POLR1B: variants seen among roughly 807,000 people sequenced by gnomAD.
POLR1B encodes the protein DNA-directed RNA polymerase I subunit RPA2.
A neutral mutation model predicts 105.8 loss-of-function variants in POLR1B; 30 were observed. That is an observed-to-expected ratio of 0.28 (90% confidence interval 0.21 to 0.38). The LOEUF (loss-of-function observed/expected upper bound fraction) is 0.38, where lower values mean the gene tolerates loss of function less well. Ranked by LOEUF, POLR1B falls within the 10% of genes least tolerant of loss-of-function variation. POLR1B has a pLI of 1.00. For synonymous variants in POLR1B, 485 were observed against 505.1 expected (o/e 0.96, Z 0.53); for missense variants, 976 against 1,435.8 (o/e 0.68, Z 5.17).
In POLR1B at chr2:112,552,751, A is replaced by G; in HGVS notation, c.1093A>G (p.Asn365Asp). 6.2e-7 allele frequency: 1 copy of G among 1,611,214 alleles called. No homozygotes were observed. The highest frequency in any genetic ancestry group is 8.5e-7 in the Non-Finnish European group (1 of 1,178,980). The stretch of plus-strand genomic sequence containing the variant: ...AGCCAAAGGAGAGTGCATGGAGGAC[A>G]ATCCTGATAGTTTGGTGAACCAGGA... Reference protein sequence around the residue: ...ALAKGECMEDNPDSLVNQEVL... With the variant: ...ALAKGECMEDDPDSLVNQEVL... The change falls in exon 7 of 15, where the codon AAT becomes GAT. Residue 365 changes from asparagine to aspartate, a missense_variant. Asn to Asp is a conservative substitution (Grantham distance 23, BLOSUM62 1). Coordinates refer to ENST00000263331, the MANE Select transcript of POLR1B (RefSeq NM_019014.6).
Position 112,577,443 on chromosome 2 carries a change from G to A in POLR1B, c.*1714G>A, listed in dbSNP as rs1177920851. Among the ~76,000 whole-genome samples the A allele has an allele frequency of 2.0e-5, 3 of 152,310 alleles. 1 individual carries two copies. Among genetic ancestry groups the A allele is most frequent in the South Asian group, 4.1e-4 (2 of 4,830 alleles). ...ACACCCCTGTAGTCCCAGCTACTTGGGAGGCTGAGGTGGGAGGATTGCTTG... is the reference window on the plus strand; with the variant it reads ...ACACCCCTGTAGTCCCAGCTACTTGAGAGGCTGAGGTGGGAGGATTGCTTG... On this transcript the variant is annotated 3_prime_UTR_variant, in exon 15 of 15. Coordinates refer to ENST00000263331, the MANE Select transcript of POLR1B (RefSeq NM_019014.6).
At chr2:112,549,575 A>G (rs1415533247) in intron 4 of POLR1B, among the ~76,000 whole-genome samples, 176 bp downstream of exon 4, 1 of 147,836 alleles carries the variant, frequency 6.8e-6, no homozygotes, top group Non-Finnish European at 1.5e-5. Flanking sequence ...GGGCTCAAGC[A>G]GTCCTTCTGC....
chr2:112,542,803 A>G (rs1166995432), intron 1 of POLR1B, 132 bp downstream of exon 1: 40 of 1,201,744 alleles, frequency 3.3e-5, no homozygotes, highest in Non-Finnish European at 4.4e-5. Flanking sequence ...GCGGGAGAGC[A>G]CAACATGTTA....
At chr2:112,550,060 C>G (rs1683283725) in intron 4 of POLR1B, among the ~76,000 whole-genome samples, 1 of 152,150 alleles carries the variant, frequency 6.6e-6, no homozygotes, top group African/African-American at 2.4e-5. Flanking sequence ...AAGATGAAAG[C>G]TAGTCTGGCT....
intron 1 of POLR1B, among the ~76,000 whole-genome samples, chr2:112,543,730 G>C (rs757949413): frequency 2.6e-5 from 4 of 151,986 alleles, no homozygotes; most frequent in Admixed American, 1.3e-4. Context: ...GAGGGGTGGG[G>C]GTTATTTGTA....
chr2:112,542,921 T>G, intron 1 of POLR1B: 1 of 590,346 alleles, frequency 1.7e-6, no homozygotes, highest in Non-Finnish European at 3.0e-6. Context: ...TTGGACAGTT[T>G]CGGGGTGCTG....
chr2:112,575,948 T>G lies in POLR1B; in HGVS notation c.*219T>G, dbSNP rs1684841046. The G allele has an allele frequency of 1.8e-6, 1 of 550,828 alleles. No individual in the cohort carries two copies. The highest frequency in any genetic ancestry group is 2.2e-5 in the South Asian group (1 of 45,262). 34.1% of individuals were successfully genotyped at this position (550,828 alleles called of 1,614,324 possible). Reference sequence around the variant, plus strand: ...GTTATCTTTGTTCAAAAAGTTCATGTCTTCTCAAAATATGAAATATTGATA... The same window carrying G: ...GTTATCTTTGTTCAAAAAGTTCATGGCTTCTCAAAATATGAAATATTGATA... On this transcript the variant is annotated 3_prime_UTR_variant, in exon 15 of 15. Transcript: ENST00000263331. The surrounding 1 kb of genome is among the most constrained non-coding windows in gnomAD (Gnocchi z 5.3).
At chr2:112,573,959 G>T (rs554897925) in intron 14 of POLR1B, 144 bp downstream of exon 14, 5 of 991,554 alleles carry the variant, frequency 5.0e-6, no homozygotes, top group Non-Finnish European at 7.3e-6. Context: ...CAATCCTCTC[G>T]CCTCAGCCTT....
intron 12 of POLR1B, among the ~76,000 whole-genome samples, chr2:112,571,292 G>A (rs78507741): frequency 1.8e-3 from 279 of 152,184 alleles, no homozygotes; most frequent in African/African-American, 6.4e-3. Context: ...CAGTAATATC[G>A]GATTGTATTA....
In POLR1B at chr2:112,578,600, C is replaced by A. The variant is rs1444073384; in HGVS notation, c.*2871C>A. 6.6e-6 allele frequency among the ~76,000 whole-genome samples: 1 copy of A among 152,044 alleles called. No homozygotes were observed. Among genetic ancestry groups the A allele is most frequent in the Non-Finnish European group, 1.5e-5 (1 of 68,012 alleles). On this transcript the variant is annotated 3_prime_UTR_variant, in exon 15 of 15. Coordinates refer to ENST00000263331, the MANE Select transcript of POLR1B (RefSeq NM_019014.6). The stretch of plus-strand genomic sequence containing the variant: ...TTCACCTTGAACATTTTGGTTGTTT[C>A]CAGTTTGGGGGCATTAACAATAAAG...
Position 112,552,742 on chromosome 2 carries a change from A to G in POLR1B, c.1084A>G (p.Met362Val), listed in dbSNP as rs770681281. 43 of 1,612,356 alleles carry G rather than the reference A, an allele frequency of 2.7e-5. 2 individuals are homozygous for G. The East Asian group carries it at 8.0e-4, about 30-fold the overall frequency. The change falls in exon 7 of 15, where the codon ATG becomes GTG. Residue 362 changes from methionine to valine, a missense_variant. Transcript: ENST00000263331. ...KLFALAKGECMEDNPDSLVNQ... is the reference protein window; with the variant it reads ...KLFALAKGECVEDNPDSLVNQ... ...CTTTGCTTTAGCCAAAGGAGAGTGCATGGAGGACAATCCTGATAGTTTGGT... is the reference window on the plus strand; with the variant it reads ...CTTTGCTTTAGCCAAAGGAGAGTGCGTGGAGGACAATCCTGATAGTTTGGT...
intron 1 of POLR1B, among the ~76,000 whole-genome samples, chr2:112,544,620 G>A (rs1682936900): frequency 6.6e-6 from 1 of 152,096 alleles, no homozygotes; most frequent in African/African-American, 2.4e-5. Flanking sequence ...TGTTTTGGTT[G>A]AAGTAGATGA....
At chr2:112,570,239 G>A (rs184993864) in intron 12 of POLR1B, among the ~76,000 whole-genome samples, 193 of 151,922 alleles carry the variant, frequency 1.3e-3, no homozygotes, top group Middle Eastern at 3.4e-3. Flanking sequence ...GTAGAGATAC[G>A]GTTTCACCAT....
chr2:112,568,676 C>T (rs1684429639), intron 11 of POLR1B, 70 bp from the exon 12 acceptor site: 1 of 1,535,540 alleles, frequency 6.5e-7, no homozygotes, highest in African/African-American at 1.4e-5. Flanking sequence ...GTACTGAACT[C>T]TGAGAAATGG....
In POLR1B at chr2:112,577,278, T is replaced by C. The variant is rs1684913057; in HGVS notation, c.*1549T>C. On this transcript the variant is annotated 3_prime_UTR_variant, in exon 15 of 15. Coordinates refer to ENST00000263331, the MANE Select transcript of POLR1B (RefSeq NM_019014.6). ...GGCTTAGCAGGATGGGCGCAGTGGC[T>C]CACGCCACTAATCCCAACATTTTAG... The C allele has an allele frequency of 6.6e-6, 1 of 152,248 alleles. No homozygotes were observed. Among genetic ancestry groups the C allele is most frequent in the African/African-American group, 2.4e-5 (1 of 41,478 alleles). The allele number at this position is 152,248 out of a possible 1,614,324, so 9.4% of individuals were successfully genotyped here.
At chr2:112,572,905 A>G (rs1684664393) in intron 13 of POLR1B, 147 bp downstream of exon 13, 3 of 668,796 alleles carry the variant, frequency 4.5e-6, no homozygotes, top group Non-Finnish European at 7.1e-6. Flanking sequence ...TCTTAGTCTA[A>G]GTTGAAAGTG....
At chr2:112,566,480 A>T (rs1466616374) in intron 10 of POLR1B, among the ~76,000 whole-genome samples, 1 of 152,124 alleles carries the variant, frequency 6.6e-6, no homozygotes, top group East Asian at 1.9e-4. Context: ...TATGTTTATT[A>T]GTTGCTATTC....
At position 112,568,132 on chromosome 2, in the gene POLR1B, G is replaced by A; in HGVS notation, c.1912G>A (p.Glu638Lys). The change falls in exon 11 of 15, where the codon GAA becomes AAA. Residue 638 changes from glutamate (E) to lysine (K), a missense_variant. Glu to Lys is a moderately conservative substitution (Grantham distance 56). Around this residue, in one of 12 missense-constraint regions of POLR1B, gnomAD observed 184 missense variants for 197.4 expected, o/e 0.93. Transcript: ENST00000263331. Reference sequence around the variant, plus strand: ...CAAAGAAGAGCTAATTGGAACTATGGAACAGGTAAATACATATGTGTGATG... The same window carrying A: ...CAAAGAAGAGCTAATTGGAACTATGAAACAGGTAAATACATATGTGTGATG... Reference protein sequence around the residue: ...LGKEELIGTMEQIFMNVAIFE... With the variant: ...LGKEELIGTMKQIFMNVAIFE... The A allele has an allele frequency of 6.2e-7, 1 of 1,613,478 alleles. No individual in the cohort carries two copies. The highest frequency in any genetic ancestry group is 1.3e-5 in the African/African-American group (1 of 74,998).
intron 10 of POLR1B, 104 bp downstream of exon 10, chr2:112,564,603 G>A: frequency 6.9e-7 from 1 of 1,449,366 alleles, no homozygotes; most frequent in Non-Finnish European, 9.5e-7. Context: ...TGATCAAGTG[G>A]TCAGGGGGTC....
Sources: allele counts gnomAD v4.1 joint callset (sites outside exome capture counted in the v4.1 genomes callset), GRCh38; gene constraint gnomAD v4.1.1; regional missense constraint gnomAD v4.1.1; non-coding constraint Gnocchi (gnomAD v3.1); transcripts MANE v1.5; gene names NCBI Gene and HGNC (gene_info 2026-07-23, HGNC 2026-07-21).